The following SLC4A4 variants were observed in gnomAD, a reference collection of about 807,000 sequenced individuals.
SLC4A4 encodes the protein solute carrier family 4 member 4, also known as electrogenic sodium bicarbonate cotransporter 1.
Under a neutral mutation model 111.5 loss-of-function variants are expected in SLC4A4, and 27 were observed. That is an observed-to-expected ratio of 0.24 (90% CI 0.18 to 0.33). SLC4A4 has a LOEUF of 0.33. Among genes scored for constraint, SLC4A4 ranks in the 10% least tolerant of loss-of-function variants. SLC4A4 has a pLI of 1.00. For missense variants in SLC4A4, 909 were observed against 1,315.5 expected (o/e 0.69, Z 4.78); for synonymous variants, 443 against 463.4 (o/e 0.96, Z 0.57).
chr4:71,506,943 A>G (rs1731474815), intron 16 of SLC4A4, among the ~76,000 whole-genome samples: 1 of 152,182 alleles, frequency 6.6e-6, no homozygotes, highest in South Asian at 2.1e-4. Context: ...CCAATATTTA[A>G]CATCTTAAAG....
At chr4:71,122,728 T>G (rs995920881) in intron 2 of SLC4A4, among the ~76,000 whole-genome samples, 1 of 152,170 alleles carries the variant, frequency 6.6e-6, no homozygotes, top group African/African-American at 2.4e-5. Context: ...ATGCTGGCCG[T>G]AGAGTTTCTC....
At chr4:71,489,553 T>C (rs189153078) in intron 15 of SLC4A4, among the ~76,000 whole-genome samples, 3 of 151,874 alleles carry the variant, frequency 2.0e-5, no homozygotes, top group Admixed American at 2.0e-4. Flanking sequence ...TGTTAGGTAT[T>C]GTTACTGTTC....
At position 71,467,887 on chromosome 4, in the gene SLC4A4, C is replaced by G. The variant is rs566695023; in HGVS notation, c.1631+1310C>G. ...CTGCTGGCACTCCTTGTTGGCATTC[C>G]CATAGTCATATTGTTATACATTTTT... is the stretch of plus-strand genomic sequence containing the variant. On this transcript the variant is annotated intron_variant, in intron 13 of 25. Transcript: ENST00000264485. Among the ~76,000 whole-genome samples, 45 of 13,282 alleles carry G rather than the reference C, an allele frequency of 3.4e-3. No homozygotes were observed. The Non-Finnish European group carries it at 0.052, about 15-fold the overall frequency. The allele number at this position is 13,282 out of a possible 152,430, so 8.7% of individuals were successfully genotyped here.
At chr4:71,475,922 A>G (rs149930773) in intron 14 of SLC4A4, among the ~76,000 whole-genome samples, 9 of 151,934 alleles carry the variant, frequency 5.9e-5, no homozygotes, top group African/African-American at 2.2e-4. Flanking sequence ...TAATAGAATA[A>G]ACAGACCTAT....
chr4:71,208,457 T>TATATAA (rs1560780461), intron 1 of SLC4A4, among the ~76,000 whole-genome samples: 1 of 149,570 alleles, frequency 6.7e-6, no homozygotes, highest in African/African-American at 2.4e-5. Context: ...TATATATATA[T>TATATAA]AATAAAACAA....
chr4:71,281,941 T>C (rs1339185290), intron 3 of SLC4A4, among the ~76,000 whole-genome samples: 1 of 151,266 alleles, frequency 6.6e-6, no homozygotes, highest in Non-Finnish European at 1.5e-5. Context: ...TTTTTTTTGG[T>C]TTCCCTTTAA....
rs142208435 is a variant in SLC4A4, at chr4:71,213,295, C to T, written c.-1-23281C>T. ...TTTATTGTCATTACTAGAAATAATG[C>T]TGGATTTTACCTCATAAAGTATTGG... is the stretch of plus-strand genomic sequence containing the variant. On this transcript the variant is annotated intron_variant, in intron 1 of 25. Transcript: ENST00000264485. Among the ~76,000 whole-genome samples the T allele has an allele frequency of 6.8e-4, 103 of 152,284 alleles. 1 individual carries two copies. The highest frequency in any genetic ancestry group is 1.1e-3 in the African/African-American group (46 of 41,556).
chr4:71,081,744 A>C (rs558793983), intron 1 of SLC4A4, among the ~76,000 whole-genome samples: 1 of 152,092 alleles, frequency 6.6e-6, no homozygotes, highest in African/African-American at 2.4e-5. Flanking sequence ...CCGGGAATCT[A>C]GGACTTTGCT....
chr4:71,421,499 A>G (rs540557335), intron 7 of SLC4A4, among the ~76,000 whole-genome samples: 2 of 152,212 alleles, frequency 1.3e-5, no homozygotes, highest in Non-Finnish European at 2.9e-5. Flanking sequence ...ATAGACATCT[A>G]CAGAACTCTC....
chr4:71,352,376 A>AT (rs962113837), intron 5 of SLC4A4, among the ~76,000 whole-genome samples: 7 of 151,892 alleles, frequency 4.6e-5, no homozygotes, highest in South Asian at 2.1e-4. Flanking sequence ...AAAAAACACA[A>AT]TTTTTTACCA....
intron 16 of SLC4A4, among the ~76,000 whole-genome samples, chr4:71,525,215 T>C (rs1402660119): frequency 6.6e-6 from 1 of 152,172 alleles, no homozygotes; most frequent in African/African-American, 2.4e-5. Context: ...TTCCATCCAC[T>C]TAATTTCTTC....
chr4:71,331,347 A>C (rs541352198), intron 3 of SLC4A4, among the ~76,000 whole-genome samples: 1 of 152,318 alleles, frequency 6.6e-6, no homozygotes. Context: ...TCCATGAATG[A>C]TAGACTGGAT....
At chr4:71,075,220 G>A (rs1235583465) in intron 1 of SLC4A4, among the ~76,000 whole-genome samples, 2 of 152,170 alleles carry the variant, frequency 1.3e-5, no homozygotes, top group Admixed American at 6.5e-5. Flanking sequence ...AAGAATCTAT[G>A]TTAGGATCTT....
At chr4:71,438,750 T>C (rs1396212216) in intron 7 of SLC4A4, among the ~76,000 whole-genome samples, 2 of 152,168 alleles carry the variant, frequency 1.3e-5, no homozygotes, top group African/African-American at 4.8e-5. Context: ...ATCTCCTTTA[T>C]AATTAAAAAG....
intron 7 of SLC4A4, among the ~76,000 whole-genome samples, chr4:71,417,107 C>T (rs982696830): frequency 1.3e-5 from 2 of 152,176 alleles, no homozygotes; most frequent in African/African-American, 4.8e-5. Flanking sequence ...CAGGTGTGAA[C>T]ACATGGACTT....
At chr4:71,154,018 C>G (rs955014678) in intron 2 of SLC4A4, among the ~76,000 whole-genome samples, 39 of 152,094 alleles carry the variant, frequency 2.6e-4, no homozygotes, top group African/African-American at 8.9e-4. Context: ...TCAGACCTAC[C>G]ATAATTCAAG....
chr4:71,173,138 T>C (rs150966081), intron 2 of SLC4A4, among the ~76,000 whole-genome samples: 52 of 152,294 alleles, frequency 3.4e-4, no homozygotes, highest in African/African-American at 1.2e-3. Flanking sequence ...GAAAACACCA[T>C]TGAAACTCTC....
At chr4:71,370,612 C>T (rs984399583) in intron 6 of SLC4A4, among the ~76,000 whole-genome samples, 1 of 152,094 alleles carries the variant, frequency 6.6e-6, no homozygotes, top group Non-Finnish European at 1.5e-5. Flanking sequence ...TTAATCTTAC[C>T]AACATAGGAT....
At chr4:71,244,074 T>C (rs1281905229) in intron 2 of SLC4A4, among the ~76,000 whole-genome samples, 1 of 152,210 alleles carries the variant, frequency 6.6e-6, no homozygotes, top group East Asian at 1.9e-4. Context: ...TTATTAAATT[T>C]TCAACAGGAA....
Sources: gnomAD v4.1 joint callset for allele counts (sites outside exome capture counted in the v4.1 genomes callset) on GRCh38, gnomAD v4.1.1 for gene constraint, MANE v1.5 for transcripts, NCBI Gene and HGNC (gene_info 2026-07-23, HGNC 2026-07-21) for gene names.